Variants in PGBD2 observed in about 807,000 individuals in gnomAD.
The protein encoded by PGBD2 is piggyBac transposable element derived 2, also known as piggyBac transposable element-derived protein 2.
In PGBD2, 6 loss-of-function variants were observed where a neutral mutation model predicts 8.1. The ratio of observed to expected loss-of-function variants is 0.74; its 90% CI spans 0.40 to 1.46. The LOEUF (loss-of-function observed/expected upper bound fraction) is 1.46. Ranked by LOEUF, PGBD2 falls within the 40% of genes most tolerant of loss-of-function variation. The probability of loss-of-function intolerance (pLI) is 0.02; values close to 1 mark genes in which losing one functional copy is unlikely to be tolerated. For synonymous variants in PGBD2, 318 were observed against 272.2 expected, an observed-to-expected ratio of 1.17 and a Z score of -1.66; for missense variants, 802 against 739.0, an observed-to-expected ratio of 1.09 and a Z score of -0.99.
At position 248,914,478 on chromosome 1, in the gene PGBD2, C is replaced by T. The variant is rs1228047851; in HGVS notation, c.17+599C>T. 2.3e-6 allele frequency: 3 copies of T among 1,288,204 alleles called. No individual in the cohort carries two copies. The African/African-American group carries it at 4.6e-5, about 20-fold the overall frequency. The allele number at this position is 1,288,204 out of a possible 1,614,324, so 79.8% of individuals were successfully genotyped here. A position where few individuals can be genotyped will look rare whatever the true frequency, so the allele number is the denominator to read the frequency against. ...AATACCTCACCTCCCTGGAGGTCAG[C>T]ATGGCAGCTGACAGTCAGTCTCCAG... On this transcript the variant is annotated intron_variant, in intron 2 of 2. Transcript: ENST00000329291.
chr1:248,882,444 G>A, the PGBD2 span, among the ~76,000 whole-genome samples: 1 of 152,130 alleles, frequency 6.6e-6, no homozygotes, highest in Non-Finnish European at 1.5e-5. Flanking sequence ...CCTATGATTA[G>A]CAAGATATTA....
chr1:248,892,847 G>A, the PGBD2 span, among the ~76,000 whole-genome samples: 1 of 152,138 alleles, frequency 6.6e-6, no homozygotes, highest in Admixed American at 6.5e-5. Context: ...AACCACTCAG[G>A]TAGTCAATCA....
chr1:248,914,429 GC>G (rs1662019001), intron 2 of PGBD2: 1 of 1,256,444 alleles, frequency 8.0e-7, no homozygotes, highest in African/African-American at 1.6e-5. Flanking sequence ...TCTTTTTCTG[GC>G]CCATGCAGAG....
downstream of PGBD2, among the ~76,000 whole-genome samples, chr1:248,923,420 AT>A (rs896737774): frequency 8.6e-5 from 13 of 151,126 alleles, no homozygotes; most frequent in Admixed American, 4.0e-4. Context: ...GGATTCATTG[AT>A]TTTTTTTTGA....
At chr1:248,890,851 C>G in the PGBD2 span, among the ~76,000 whole-genome samples, 5 of 150,968 alleles carry the variant, frequency 3.3e-5, no homozygotes, top group African/African-American at 1.2e-4. Flanking sequence ...CACCACACAC[C>G]TCCCCACACA....
the PGBD2 span, among the ~76,000 whole-genome samples, chr1:248,874,355 C>T: frequency 2.0e-5 from 3 of 152,282 alleles, no homozygotes; most frequent in African/African-American, 4.8e-5. Context: ...GCAGGGCTAA[C>T]CATAGGTGAT....
intron 1 of PGBD2, among the ~76,000 whole-genome samples, chr1:248,911,939 C>T (rs903774083): frequency 3.9e-5 from 6 of 151,930 alleles, no homozygotes; most frequent in Admixed American, 2.6e-4. Flanking sequence ...GGTTGTTGGT[C>T]TATTCTTGCG....
the PGBD2 span, among the ~76,000 whole-genome samples, chr1:248,898,766 C>G: frequency 6.6e-6 from 1 of 152,078 alleles, no homozygotes; most frequent in Non-Finnish European, 1.5e-5. Flanking sequence ...AAACATTAAC[C>G]TTAAATGTAA....
the PGBD2 span, among the ~76,000 whole-genome samples, chr1:248,880,883 G>A: frequency 3.3e-5 from 5 of 152,236 alleles, no homozygotes; most frequent in African/African-American, 1.2e-4. Context: ...AATCTTAAAT[G>A]TGTTATTAAT....
chr1:248,896,303 T>A, the PGBD2 span, among the ~76,000 whole-genome samples: 1 of 152,096 alleles, frequency 6.6e-6, no homozygotes, highest in Non-Finnish European at 1.5e-5. Context: ...CAGCAGATTT[T>A]GAAACCTCTT....
At chr1:248,887,698 A>G in the PGBD2 span, among the ~76,000 whole-genome samples, 1 of 152,176 alleles carries the variant, frequency 6.6e-6, no homozygotes, top group Non-Finnish European at 1.5e-5. Context: ...TTTTAGATTC[A>G]GGGGGTACTT....
the PGBD2 span, among the ~76,000 whole-genome samples, chr1:248,929,664 C>T: frequency 1.3e-5 from 2 of 152,128 alleles, no homozygotes; most frequent in Non-Finnish European, 2.9e-5. Flanking sequence ...AGCTCAGACA[C>T]CATCATCATT....
intron 2 of PGBD2, chr1:248,914,588 A>AT (rs780363177): frequency 2.3e-6 from 3 of 1,289,020 alleles, no homozygotes; most frequent in South Asian, 1.2e-5. Flanking sequence ...TCTGTGGTAA[A>AT]TCCTGCATCC....
the PGBD2 span, among the ~76,000 whole-genome samples, chr1:248,889,214 A>G: frequency 7.9e-5 from 12 of 152,020 alleles, no homozygotes; most frequent in Non-Finnish European, 1.5e-4. Flanking sequence ...GCGAAACCCC[A>G]TCTCTACCAA....
chr1:248,876,878 T>G, the PGBD2 span, among the ~76,000 whole-genome samples: 6 of 152,210 alleles, frequency 3.9e-5, no homozygotes, highest in African/African-American at 1.4e-4. Flanking sequence ...AATATAGTCA[T>G]GTTTTTTGGT....
intron 1 of PGBD2, among the ~76,000 whole-genome samples, chr1:248,907,498 G>A (rs565215233): frequency 3.9e-5 from 6 of 152,262 alleles, no homozygotes; most frequent in African/African-American, 7.2e-5. Context: ...GCTGGGGGAC[G>A]GTAAGGTCTT....
At chr1:248,925,795 C>A in the PGBD2 span, among the ~76,000 whole-genome samples, 1 of 152,114 alleles carries the variant, frequency 6.6e-6, no homozygotes, top group Non-Finnish European at 1.5e-5. Flanking sequence ...CCAAAATTCC[C>A]AGTGAACATT....
Position 248,918,417 on chromosome 1 carries a change from G to C in PGBD2, c.*54G>C, listed in dbSNP as rs2103118868. The C allele has an allele frequency of 6.7e-7, 1 of 1,483,780 alleles. No homozygotes were observed. The allele number at this position is 1,483,780 out of a possible 1,614,324, so 91.9% of individuals were successfully genotyped here. On this transcript the variant is annotated 3_prime_UTR_variant, in exon 3 of 3. Transcript: ENST00000329291. Reference sequence around the variant, plus strand: ...AATGAGATGTTTACAGTTAAATACAGATGGCAGTTGAGCACTTCTGTTTTG... The same window carrying C: ...AATGAGATGTTTACAGTTAAATACACATGGCAGTTGAGCACTTCTGTTTTG...
the PGBD2 span, among the ~76,000 whole-genome samples, chr1:248,872,883 G>T: frequency 6.6e-6 from 1 of 152,200 alleles, no homozygotes; most frequent in Admixed American, 6.5e-5. Flanking sequence ...GCGCCCGGCT[G>T]CATGACATAT....
Sources: gnomAD v4.1 joint callset for allele counts (sites outside exome capture counted in the v4.1 genomes callset) on GRCh38, gnomAD v4.1.1 for gene constraint, MANE v1.5 for transcripts, NCBI Gene and HGNC (gene_info 2026-07-23, HGNC 2026-07-21) for gene names.